Variants in AIG1 observed in about 807,000 individuals in gnomAD.
The protein encoded by AIG1 is androgen induced 1.
In AIG1, 23 loss-of-function variants were observed where a neutral mutation model predicts 31.4. The ratio of observed to expected loss-of-function variants is 0.73; its 90% CI spans 0.53 to 1.04. AIG1 has a LOEUF of 1.04. AIG1 is among the 50% of genes least tolerant of loss of function. AIG1 has a pLI of 0.00. For synonymous variants in AIG1, 100 were observed against 110.5 expected, an observed-to-expected ratio of 0.90 and a Z score of 0.60; for missense variants, 274 against 295.0, an observed-to-expected ratio of 0.93 and a Z score of 0.52.
intron 3 of AIG1, among the ~76,000 whole-genome samples, chr6:143,196,119 C>T (rs1790202103): frequency 6.6e-6 from 1 of 152,158 alleles, no homozygotes; most frequent in African/African-American, 2.4e-5. Flanking sequence ...TGATAATGGC[C>T]TTTGGTGCTC....
intron 3 of AIG1, among the ~76,000 whole-genome samples, chr6:143,262,582 A>G (rs1173082471): frequency 6.6e-6 from 1 of 152,262 alleles, no homozygotes; most frequent in Non-Finnish European, 1.5e-5. Context: ...ATACAAATTT[A>G]AGAAATAGGG....
intron 1 of AIG1, among the ~76,000 whole-genome samples, chr6:143,078,131 G>C (rs1777898895): frequency 6.6e-6 from 1 of 152,018 alleles, no homozygotes; most frequent in Non-Finnish European, 1.5e-5. Flanking sequence ...TCTTTCCACT[G>C]TCATCTACAT....
intron 4 of AIG1, among the ~76,000 whole-genome samples, chr6:143,319,202 A>G (rs964189688): frequency 3.3e-5 from 5 of 152,210 alleles, no homozygotes; most frequent in Non-Finnish European, 5.9e-5. Flanking sequence ...ACAATTCACA[A>G]CTGCAAAAAT....
chr6:143,245,337 T>C (rs1794546055), intron 3 of AIG1, among the ~76,000 whole-genome samples: 1 of 152,178 alleles, frequency 6.6e-6, no homozygotes, highest in African/African-American at 2.4e-5. Context: ...TACAGAAGTA[T>C]ACAAAAAGAA....
At position 143,256,540 on chromosome 6, in the gene AIG1, T is replaced by C. The variant is rs1027614774; in HGVS notation, c.400-27570T>C. ...TTGCACAGTGATTTTCAAATGTTTC[T>C]TTAGTTATTGAACCCTAAATCCAAA... On this transcript the variant is annotated intron_variant, in intron 3 of 5. Coordinates refer to ENST00000357847, the MANE Select transcript of AIG1 (RefSeq NM_016108.4). The surrounding 1 kb of genome is among the most constrained non-coding windows in gnomAD (Gnocchi z 4.6). Among the ~76,000 whole-genome samples, 6 of 152,226 alleles carry C rather than the reference T, an allele frequency of 3.9e-5. No homozygotes were observed. The highest frequency in any genetic ancestry group is 9.6e-5 in the African/African-American group (4 of 41,464).
intron 1 of AIG1, among the ~76,000 whole-genome samples, chr6:143,093,122 T>C (rs1268680902): frequency 6.6e-6 from 1 of 151,588 alleles, no homozygotes; most frequent in Non-Finnish European, 1.5e-5. Context: ...ACTTCTCATT[T>C]CTAGCTGTGA....
At chr6:143,321,098 G>A (rs1439511475) in intron 4 of AIG1, among the ~76,000 whole-genome samples, 1 of 151,692 alleles carries the variant, frequency 6.6e-6, no homozygotes. Flanking sequence ...GGGATTACAG[G>A]CGTGAGCCAC....
chr6:143,145,700 C>T (rs2128537321), intron 2 of AIG1, among the ~76,000 whole-genome samples: 1 of 152,156 alleles, frequency 6.6e-6, no homozygotes, highest in South Asian at 2.1e-4. Context: ...AGGGGCTGGG[C>T]ATATTGCTAC....
intron 2 of AIG1, among the ~76,000 whole-genome samples, chr6:143,157,639 C>T (rs987530242): frequency 2.0e-5 from 3 of 152,008 alleles, no homozygotes; most frequent in Non-Finnish European, 4.4e-5. Flanking sequence ...GCAATTTTTC[C>T]TTTTGCTGCC....
At chr6:143,272,807 C>T (rs911817372) in intron 3 of AIG1, among the ~76,000 whole-genome samples, 7 of 151,316 alleles carry the variant, frequency 4.6e-5, no homozygotes, top group Non-Finnish European at 7.4e-5. Flanking sequence ...GAAGGCAATG[C>T]CAAGAAACTT....
intron 3 of AIG1, among the ~76,000 whole-genome samples, chr6:143,278,464 CTTTTTTTTTTTT>C (rs1008735692): frequency 7.4e-6 from 1 of 135,918 alleles, no homozygotes; most frequent in Admixed American, 7.4e-5. Flanking sequence ...TTTTTCTTTT[CTTTTTTTTTTTT>C]TTTTCTTTTT....
At chr6:143,130,361 C>CAAAAGAGAAAA (rs1783102684) in intron 1 of AIG1, among the ~76,000 whole-genome samples, 1 of 151,910 alleles carries the variant, frequency 6.6e-6, no homozygotes, top group Admixed American at 6.6e-5. Flanking sequence ...TATGAAGGCT[C>CAAAAGAGAAAA]AAAAGAGAAA....
Position 143,268,127 on chromosome 6 carries a change from A to G in AIG1, c.400-15983A>G, listed in dbSNP as rs994086946. On this transcript the variant is annotated intron_variant, in intron 3 of 5. Coordinates refer to ENST00000357847, the MANE Select transcript of AIG1 (RefSeq NM_016108.4). This position sits in a 1 kb window ranked among gnomAD's most constrained non-coding sequence, Gnocchi z 5.0. ...AATAGGGAGGATTATGACTTGATAT[A>G]TAAAGTTTGGGAAATAAAGCCATTT... Among the ~76,000 whole-genome samples the G allele has an allele frequency of 1.3e-5, 2 of 152,206 alleles. No individual in the cohort carries two copies. Among genetic ancestry groups the G allele is most frequent in the Non-Finnish European group, 2.9e-5 (2 of 68,038 alleles).
At chr6:143,320,697 A>G (rs906901162) in intron 4 of AIG1, among the ~76,000 whole-genome samples, 2 of 152,174 alleles carry the variant, frequency 1.3e-5, no homozygotes, top group Non-Finnish European at 2.9e-5. Context: ...AAGGGAATCA[A>G]GGAGGTGTTG....
chr6:143,134,159 C>G (rs1264595557), intron 1 of AIG1, among the ~76,000 whole-genome samples: 2 of 151,952 alleles, frequency 1.3e-5, no homozygotes, highest in African/African-American at 4.8e-5. Flanking sequence ...ATAATACAAT[C>G]AATTTCAGTA....
chr6:143,169,254 C>A (rs1036904513), intron 3 of AIG1, among the ~76,000 whole-genome samples: 10 of 151,990 alleles, frequency 6.6e-5, no homozygotes. Context: ...TGTTTCCCTG[C>A]CTCCTTTGTA....
At chr6:143,154,964 C>G (rs1449689158) in intron 2 of AIG1, among the ~76,000 whole-genome samples, 1 of 151,774 alleles carries the variant, frequency 6.6e-6, no homozygotes, top group African/African-American at 2.4e-5. Flanking sequence ...TCTCCTGCCT[C>G]AGCCTCCTGA....
intron 4 of AIG1, among the ~76,000 whole-genome samples, chr6:143,286,649 A>G (rs1797698234): frequency 6.6e-6 from 1 of 152,204 alleles, no homozygotes; most frequent in African/African-American, 2.4e-5. Flanking sequence ...ATAGCATACC[A>G]GGGTTGTAAC....
chr6:143,081,787 A>G (rs376282328), intron 1 of AIG1, among the ~76,000 whole-genome samples: 2 of 152,216 alleles, frequency 1.3e-5, no homozygotes, highest in Non-Finnish European at 2.9e-5. Flanking sequence ...AGAGGAAACT[A>G]TGTCCTCGTG....
Sources: allele counts gnomAD v4.1 joint callset (sites outside exome capture counted in the v4.1 genomes callset), GRCh38; gene constraint gnomAD v4.1.1; non-coding constraint Gnocchi (gnomAD v3.1); transcripts MANE v1.5; gene names NCBI Gene and HGNC (gene_info 2026-07-23, HGNC 2026-07-21).